The following KIF13A variants were observed in gnomAD, a reference collection of about 807,000 sequenced individuals.
The protein encoded by KIF13A is kinesin family member 13A.
A neutral mutation model predicts 212.2 loss-of-function variants in KIF13A; 79 were observed. That is an observed-to-expected ratio of 0.37 (90% CI 0.31 to 0.45). The LOEUF is 0.45. Among genes scored for constraint, KIF13A ranks in the 20% least tolerant of loss-of-function variants. The pLI is 1.00. For missense variants in KIF13A, 1,901 were observed against 2,209.0 expected, an observed-to-expected ratio of 0.86 and a Z score of 2.79; for synonymous variants, 789 against 808.6, an observed-to-expected ratio of 0.98 and a Z score of 0.41.
At chr6:17,788,856 C>A (rs1761287319) in intron 26 of KIF13A, among the ~76,000 whole-genome samples, 1 of 152,170 alleles carries the variant, frequency 6.6e-6, no homozygotes, top group African/African-American at 2.4e-5. Flanking sequence ...TCCCGAGTAG[C>A]TGGGATTATA....
intron 2 of KIF13A, among the ~76,000 whole-genome samples, chr6:17,981,024 CTT>C (rs71687340): frequency 9.7e-4 from 138 of 142,606 alleles, no homozygotes; most frequent in South Asian, 2.5e-3. Flanking sequence ...AAGAGGGGGA[CTT>C]TTTTTTTTTT....
rs10949456 is a variant in KIF13A at position 17,825,554 on chromosome 6, G to A, written c.1786+214C>T. On this transcript the variant is annotated intron_variant, in intron 16 of 38. Coordinates refer to ENST00000259711, the MANE Select transcript of KIF13A (RefSeq NM_022113.6). This position sits in a 1 kb window ranked among gnomAD's most constrained non-coding sequence, Gnocchi z 4.5. ...CTTGGGAATAAGAGGTCTCAAAAAC[G>A]GGACCATCCATATCCTCATTGTAAC... Among the ~76,000 whole-genome samples, 40,465 of 151,940 alleles carry A rather than the reference G, an allele frequency of 0.27. 5,519 individuals are homozygous for A. The highest frequency in any genetic ancestry group is 0.35 in the Admixed American group (5,290 of 15,256).
intron 20 of KIF13A, among the ~76,000 whole-genome samples, chr6:17,803,488 CT>C (rs1363862206): frequency 6.6e-6 from 1 of 152,144 alleles, no homozygotes; most frequent in Non-Finnish European, 1.5e-5. Flanking sequence ...TCTTCACCTG[CT>C]CTAAGAATCA....
intron 2 of KIF13A, among the ~76,000 whole-genome samples, chr6:17,965,319 A>AAG (rs750344312): frequency 0.096 from 14,652 of 152,270 alleles, 885 homozygotes; most frequent in African/African-American, 0.17. Flanking sequence ...CCATACAACC[A>AAG]TCTAGCCATA....
chr6:17,775,642 T>C (rs529994653), intron 34 of KIF13A, among the ~76,000 whole-genome samples: 2 of 152,318 alleles, frequency 1.3e-5, no homozygotes, highest in Admixed American at 1.3e-4. Flanking sequence ...TTTTTGGTGA[T>C]AGCTGTATTC....
In KIF13A at chr6:17,900,664, A is replaced by C. The variant is rs561220248; in HGVS notation, c.147-2484T>G. ...AGTGCATCATCACTGTACTTCATTC[A>C]TTGATACATCCTCTACTTCATTCAC... is the stretch of plus-strand genomic sequence containing the variant. On this transcript the variant is annotated intron_variant, in intron 2 of 38. Coordinates refer to ENST00000259711, the MANE Select transcript of KIF13A (RefSeq NM_022113.6). This position sits in a 1 kb window ranked among gnomAD's most constrained non-coding sequence, Gnocchi z 4.6. Among the ~76,000 whole-genome samples, 48 of 152,232 alleles carry C rather than the reference A, an allele frequency of 3.2e-4. No homozygotes were observed. Among genetic ancestry groups the C allele is most frequent in the Non-Finnish European group, 6.2e-4 (42 of 68,038 alleles).
At chr6:17,957,225 A>T (rs971305281) in intron 2 of KIF13A, among the ~76,000 whole-genome samples, 1 of 152,156 alleles carries the variant, frequency 6.6e-6, no homozygotes, top group Admixed American at 6.5e-5. Flanking sequence ...CTATATAACA[A>T]GACCTCCATA....
At chr6:17,864,742 C>T (rs1236042596) in intron 4 of KIF13A, among the ~76,000 whole-genome samples, 1 of 152,134 alleles carries the variant, frequency 6.6e-6, no homozygotes, top group Admixed American at 6.6e-5. Flanking sequence ...AGTGAGCCTC[C>T]CACCTTGGCC....
At chr6:17,905,444 G>C (rs1773412379) in intron 2 of KIF13A, among the ~76,000 whole-genome samples, 1 of 152,182 alleles carries the variant, frequency 6.6e-6, no homozygotes, top group Non-Finnish European at 1.5e-5. Flanking sequence ...TGACAACAGA[G>C]ACAGGAATGA....
At chr6:17,861,879 G>C (rs752647818) in intron 4 of KIF13A, among the ~76,000 whole-genome samples, 3 of 151,998 alleles carry the variant, frequency 2.0e-5, no homozygotes, top group Non-Finnish European at 4.4e-5. Flanking sequence ...GAAAGCTCCT[G>C]GTCTTTCATA....
At position 17,855,527 on chromosome 6, in the gene KIF13A, A is replaced by G; in HGVS notation, c.404T>C (p.Leu135Ser). Reference protein sequence around the residue: ...LCCALFKRISLEQNESQTFKV... With the variant: ...LCCALFKRISSEQNESQTFKV... ...AAAGGTCTGTGACTCATTTTGCTCCAAAGAGATCCTTTTAAATAAAGCACA... is the reference window on the plus strand; with the variant it reads ...AAAGGTCTGTGACTCATTTTGCTCCGAAGAGATCCTTTTAAATAAAGCACA... Residue 135 changes from leucine (L) to serine (S), a missense_variant, in exon 6 of 39, where the codon TTG (leucine) becomes TCG (serine). Leu to Ser is a moderately radical substitution (Grantham distance 145). Transcript: ENST00000259711. The surrounding 1 kb of genome is among the most constrained non-coding windows in gnomAD (Gnocchi z 4.1). 1 of 1,613,818 alleles carries G rather than the reference A, an allele frequency of 6.2e-7. No homozygotes were observed. The highest frequency in any genetic ancestry group is 8.5e-7 in the Non-Finnish European group (1 of 1,179,758).
At chr6:17,791,859 C>T (rs1296916612) in intron 25 of KIF13A, among the ~76,000 whole-genome samples, 1 of 147,016 alleles carries the variant, frequency 6.8e-6, no homozygotes, top group African/African-American at 2.5e-5. Context: ...GAGATTGTGC[C>T]ACCACACTCC....
rs1343453717 is a variant in KIF13A, at chr6:17,849,800, C to T, written c.718-311G>A. 6.6e-6 allele frequency among the ~76,000 whole-genome samples: 1 copy of T among 152,150 alleles called. No homozygotes were observed. The highest frequency in any genetic ancestry group is 1.5e-5 in the Non-Finnish European group (1 of 68,020). On this transcript the variant is annotated intron_variant, in intron 8 of 38. Coordinates refer to ENST00000259711, the MANE Select transcript of KIF13A (RefSeq NM_022113.6). This position sits in a 1 kb window ranked among gnomAD's most constrained non-coding sequence, Gnocchi z 5.7. ...ATATGAGGACATGAGGATTTCTGCA[C>T]ATTCAAGTCAAATCCTTCTTCCTTT...
At chr6:17,879,499 C>T (rs909809583) in intron 3 of KIF13A, among the ~76,000 whole-genome samples, 3 of 152,104 alleles carry the variant, frequency 2.0e-5, no homozygotes, top group African/African-American at 7.2e-5. Context: ...GAACTTGATT[C>T]CTGCAATGGT....
Position 17,794,302 on chromosome 6 carries a change from CGATGGATACTGACA to C in KIF13A, c.3155_3168del (p.Leu1052ArgfsTer21). 6.2e-7 allele frequency: 1 copy of C among 1,613,446 alleles called. No homozygotes were observed. The highest frequency in any genetic ancestry group is 8.5e-7 in the Non-Finnish European group (1 of 1,179,508). ...TTGGTGGACCTGGCAGTTACACAGCCGATGGATACTGACAGGATGGCTTCAACCATAAGTGGCAG... is the reference window on the plus strand; with the variant it reads ...TTGGTGGACCTGGCAGTTACACAGCCGGATGGCTTCAACCATAAGTGGCAG... On this transcript the variant is annotated frameshift_variant, in exon 25 of 39. Transcript: ENST00000259711. LOFTEE classifies it high-confidence loss of function. This position sits in a 1 kb window ranked among gnomAD's most constrained non-coding sequence, Gnocchi z 4.1.
chr6:17,933,404 ATTTTT>A (rs11377627), intron 2 of KIF13A, among the ~76,000 whole-genome samples: 40 of 114,598 alleles, frequency 3.5e-4, no homozygotes, highest in Middle Eastern at 5.6e-3. Context: ...CACCCAGCTC[ATTTTT>A]TTTTTTTTTT....
chr6:17,874,999 G>GTACACACACACACACA lies in KIF13A; in HGVS notation c.160-1563_160-1562insTGTGTGTGTGTGTGTA, dbSNP rs1554188631. On this transcript the variant is annotated intron_variant, in intron 3 of 38. Transcript: ENST00000259711. ...CCACCACACACACACACACGCACAC[G>GTACACACACACACACA]CACGCACACACACACACACACACAC... 2.3e-3 allele frequency among the ~76,000 whole-genome samples: 279 copies of GTACACACACACACACA among 120,326 alleles called. 4 individuals are homozygous for GTACACACACACACACA. Among genetic ancestry groups the GTACACACACACACACA allele is most frequent in the African/African-American group, 7.8e-3 (256 of 32,746 alleles). 78.9% of individuals were successfully genotyped at this position (120,326 alleles called of 152,430 possible).
chr6:17,762,617 A>T (rs901579412), downstream of KIF13A, among the ~76,000 whole-genome samples: 1 of 152,202 alleles, frequency 6.6e-6, no homozygotes, highest in Non-Finnish European at 1.5e-5. Flanking sequence ...AGAATTAAAG[A>T]GTCTTTGACA....
chr6:17,883,216 A>G lies in KIF13A; in HGVS notation c.160-9779T>C, dbSNP rs1771237779. ...AATAACATTAGCCAGCTGCAGGGGC[A>G]TGTGCCTATAGTCCCAGATACTCAG... On this transcript the variant is annotated intron_variant, in intron 3 of 38. Transcript: ENST00000259711. The surrounding 1 kb of genome is among the most constrained non-coding windows in gnomAD (Gnocchi z 4.8). Among the ~76,000 whole-genome samples, 1 of 152,126 alleles carries G rather than the reference A, an allele frequency of 6.6e-6. No individual in the cohort carries two copies. Among genetic ancestry groups the G allele is most frequent in the Non-Finnish European group, 1.5e-5 (1 of 68,026 alleles).
Sources: allele counts gnomAD v4.1 joint callset (sites outside exome capture counted in the v4.1 genomes callset), GRCh38; gene constraint gnomAD v4.1.1; non-coding constraint Gnocchi (gnomAD v3.1); transcripts MANE v1.5; gene names NCBI Gene and HGNC (gene_info 2026-07-23, HGNC 2026-07-21).